The following CALN1 variants were observed in gnomAD, a reference collection of about 807,000 sequenced individuals.
CALN1 encodes the protein calcium-binding protein 8.
CALN1 carries 17 observed loss-of-function variants against 30.6 expected under a neutral mutation model. The observed-to-expected ratio is 0.56, with a 90% CI of 0.38 to 0.83. The LOEUF (loss-of-function observed/expected upper bound fraction) is 0.83. CALN1 is among the 40% of genes least tolerant of loss of function. CALN1 has a pLI of 0.00. For synonymous variants in CALN1, 156 were observed against 131.4 expected, an observed-to-expected ratio of 1.19 and a Z score of -1.28; for missense variants, 291 against 354.9, an observed-to-expected ratio of 0.82 and a Z score of 1.45.
intron 5 of CALN1, among the ~76,000 whole-genome samples, chr7:71,969,776 T>A (rs915753137): frequency 9.2e-5 from 14 of 151,910 alleles, no homozygotes; most frequent in African/African-American, 3.1e-4. Flanking sequence ...AATTCTGACT[T>A]GTCCCATTGA....
At chr7:72,198,773 T>C (rs1585144539) in intron 3 of CALN1, among the ~76,000 whole-genome samples, 1 of 152,188 alleles carries the variant, frequency 6.6e-6, no homozygotes, top group Admixed American at 6.5e-5. Flanking sequence ...TGATCAATAC[T>C]GAAAGGCAGA....
At chr7:71,947,658 C>G (rs534327586) in intron 5 of CALN1, among the ~76,000 whole-genome samples, 1 of 152,146 alleles carries the variant, frequency 6.6e-6, no homozygotes, top group Non-Finnish European at 1.5e-5. Context: ...TTAAAAATTG[C>G]TGCCGGGCAT....
chr7:72,247,414 ATTTT>A (rs1413989221), intron 3 of CALN1, among the ~76,000 whole-genome samples: 2 of 151,160 alleles, frequency 1.3e-5, no homozygotes, highest in East Asian at 3.9e-4. Context: ...CGCCCAACTA[ATTTT>A]TTGTATTTTT....
At chr7:72,289,400 G>A (rs552072625) in intron 2 of CALN1, among the ~76,000 whole-genome samples, 1 of 152,306 alleles carries the variant, frequency 6.6e-6, no homozygotes, top group African/African-American at 2.4e-5. Context: ...CTGGATGAAA[G>A]TTAGTTCTAA....
At chr7:72,020,252 TCTCA>T (rs1562982280) in intron 5 of CALN1, among the ~76,000 whole-genome samples, 1 of 152,046 alleles carries the variant, frequency 6.6e-6, no homozygotes, top group Non-Finnish European at 1.5e-5. Context: ...AGAGACAGGC[TCTCA>T]CTGTGTTGGG....
chr7:72,268,806 C>CACACACACACACACAA (rs1796766017), intron 3 of CALN1, among the ~76,000 whole-genome samples: 1 of 151,816 alleles, frequency 6.6e-6, no homozygotes, highest in Non-Finnish European at 1.5e-5. Flanking sequence ...CACACACACA[C>CACACACACACACACAA]ACACACACAC....
chr7:71,866,667 C>T (rs1225083329), intron 5 of CALN1, among the ~76,000 whole-genome samples: 4 of 152,050 alleles, frequency 2.6e-5, no homozygotes, highest in Non-Finnish European at 2.9e-5. Context: ...AACATCCTAC[C>T]GAACCCCCAA....
At chr7:71,943,600 G>T (rs532534910) in intron 5 of CALN1, among the ~76,000 whole-genome samples, 8 of 66,330 alleles carry the variant, frequency 1.2e-4, no homozygotes, top group African/African-American at 4.8e-4. Flanking sequence ...GTTATCACAT[G>T]GGCTAATTTT....
chr7:71,898,158 C>T lies in CALN1; in HGVS notation c.502-87666G>A, dbSNP rs532697853. On this transcript the variant is annotated intron_variant, in intron 5 of 6. Transcript: ENST00000395275. ...CAGCCTGGCCAACATGGTGAAACCCCGTCTCTACTAAAAATACAAAAATTA... is the reference window on the plus strand; with the variant it reads ...CAGCCTGGCCAACATGGTGAAACCCTGTCTCTACTAAAAATACAAAAATTA... Among the ~76,000 whole-genome samples, 18 of 151,742 alleles carry T rather than the reference C, an allele frequency of 1.2e-4. No homozygotes were observed. The South Asian group carries it at 3.5e-3, about 30-fold the overall frequency.
At chr7:71,858,424 G>A (rs1338612674) in intron 5 of CALN1, among the ~76,000 whole-genome samples, 1 of 151,914 alleles carries the variant, frequency 6.6e-6, no homozygotes, top group African/African-American at 2.4e-5. Flanking sequence ...TAAGTCAAAG[G>A]GAAGAGTTGA....
intron 2 of CALN1, among the ~76,000 whole-genome samples, chr7:72,394,566 G>A (rs982711554): frequency 3.9e-5 from 6 of 151,938 alleles, no homozygotes; most frequent in African/African-American, 9.7e-5. Context: ...AAGTTGCATA[G>A]CAATGTGATC....
intron 3 of CALN1, among the ~76,000 whole-genome samples, chr7:72,216,800 G>A (rs1792848402): frequency 6.6e-6 from 1 of 152,168 alleles, no homozygotes. Flanking sequence ...CACCCAGGCT[G>A]GAGTTCAGTA....
At chr7:71,848,701 AG>A (rs1049035650) in intron 5 of CALN1, among the ~76,000 whole-genome samples, 25 of 152,210 alleles carry the variant, frequency 1.6e-4, no homozygotes, top group African/African-American at 6.0e-4. Flanking sequence ...TTTTAAGTTG[AG>A]AAAAAAGGGA....
intron 5 of CALN1, among the ~76,000 whole-genome samples, chr7:71,835,626 AAAAC>A (rs1789555863): frequency 6.6e-6 from 1 of 152,240 alleles, no homozygotes; most frequent in Admixed American, 6.5e-5. Flanking sequence ...TAGCTAAAGA[AAAAC>A]AAACACTTTA....
chr7:72,423,412 C>A (rs1023660615), intron 1 of CALN1, among the ~76,000 whole-genome samples: 4 of 152,174 alleles, frequency 2.6e-5, no homozygotes, highest in Non-Finnish European at 1.5e-5. Flanking sequence ...AGGGGCAGGG[C>A]AGGAGGTTTT....
intron 2 of CALN1, among the ~76,000 whole-genome samples, chr7:72,317,993 A>T (rs1800605688): frequency 6.6e-6 from 1 of 152,188 alleles, no homozygotes; most frequent in Non-Finnish European, 1.5e-5. Context: ...GATTTGCAAA[A>T]CAGTATGGGA....
intron 2 of CALN1, among the ~76,000 whole-genome samples, chr7:72,325,119 G>A (rs1801180610): frequency 6.6e-6 from 1 of 151,566 alleles, no homozygotes; most frequent in South Asian, 2.1e-4. Context: ...GGGCAACATG[G>A]TGAAACCCCG....
At chr7:72,178,212 G>A (rs764735946) in intron 3 of CALN1, among the ~76,000 whole-genome samples, 19 of 152,184 alleles carry the variant, frequency 1.2e-4, no homozygotes, top group Non-Finnish European at 2.6e-4. Context: ...AAACAGGAAG[G>A]AAGACCTCTT....
intron 3 of CALN1, among the ~76,000 whole-genome samples, chr7:72,215,418 A>AC (rs1171278297): frequency 6.6e-6 from 1 of 151,960 alleles, no homozygotes; most frequent in Non-Finnish European, 1.5e-5. Flanking sequence ...ACATGGTGAA[A>AC]CCCCGTCTCT....
Sources: allele counts gnomAD v4.1 joint callset (sites outside exome capture counted in the v4.1 genomes callset), GRCh38; gene constraint gnomAD v4.1.1; transcripts MANE v1.5; gene names NCBI Gene and HGNC (gene_info 2026-07-23, HGNC 2026-07-21).